UGT2A1: variants seen among roughly 807,000 people sequenced by gnomAD.
The protein encoded by UGT2A1 is UDP-glucuronosyltransferase 2A1.
Under a neutral mutation model 45.4 loss-of-function variants are expected in UGT2A1, and 61 were observed. The observed-to-expected ratio is 1.34, with a 90% confidence interval of 1.09 to 1.66. UGT2A1 has a LOEUF of 1.66. Ranked by LOEUF, UGT2A1 falls within the 40% of genes most tolerant of loss-of-function variation. The probability of loss-of-function intolerance (pLI) is 0.00; values close to 1 mark genes in which losing one functional copy is unlikely to be tolerated. For missense variants in UGT2A1, 649 were observed against 574.3 expected, an observed-to-expected ratio of 1.13 and a Z score of -1.33; for synonymous variants, 229 against 196.2, an observed-to-expected ratio of 1.17 and a Z score of -1.40.
In UGT2A1 at chr4:69,630,943, C is replaced by T. The variant is rs1483043168; in HGVS notation, c.847+4748G>A. On this transcript the variant is annotated intron_variant, in intron 3 of 6. Coordinates refer to ENST00000286604, the MANE Select transcript of UGT2A1 (RefSeq NM_001252275.3). ...TGCTAAAGAATACACGACTAAGTGGCAGAGTTAACAATACTACTTAAATGT... is the reference window on the plus strand; with the variant it reads ...TGCTAAAGAATACACGACTAAGTGGTAGAGTTAACAATACTACTTAAATGT... Among the ~76,000 whole-genome samples, 4 of 152,036 alleles carry T rather than the reference C, an allele frequency of 2.6e-5. 1 individual carries two copies. The highest frequency in any genetic ancestry group is 5.9e-5 in the Non-Finnish European group (4 of 68,002).
chr4:69,645,864 A>G (rs898726694), intron 2 of UGT2A1, among the ~76,000 whole-genome samples: 2 of 151,824 alleles, frequency 1.3e-5, no homozygotes, highest in African/African-American at 2.4e-5. Flanking sequence ...ATACTAAATT[A>G]TCAGAAATAT....
rs1230710317 is a variant in UGT2A1 at position 69,604,443 on chromosome 4, C to T, written c.848-5049G>A. On this transcript the variant is annotated intron_variant, in intron 3 of 6. Coordinates refer to ENST00000286604, the MANE Select transcript of UGT2A1 (RefSeq NM_001252275.3). Reference sequence around the variant, plus strand: ...AAGCACTAAACATAGAAAGGAACAACCAGTACCAGCCACTGCAAAAACATG... The same window carrying T: ...AAGCACTAAACATAGAAAGGAACAATCAGTACCAGCCACTGCAAAAACATG... Among the ~76,000 whole-genome samples, 2 of 136,788 alleles carry T rather than the reference C, an allele frequency of 1.5e-5. 1 individual carries two copies. Among genetic ancestry groups the T allele is most frequent in the African/African-American group, 5.9e-5 (2 of 33,772 alleles). The allele number at this position is 136,788 out of a possible 152,430, so 89.7% of individuals were successfully genotyped here. A position where few individuals can be genotyped will look rare whatever the true frequency, so the allele number is the denominator to read the frequency against.
At chr4:69,622,515 GT>G (rs1720810178) in intron 3 of UGT2A1, among the ~76,000 whole-genome samples, 1 of 151,626 alleles carries the variant, frequency 6.6e-6, no homozygotes, top group Non-Finnish European at 1.5e-5. Context: ...GAAAACAATT[GT>G]TTTTATGTGT....
chr4:69,604,499 G>A (rs1248330244), intron 3 of UGT2A1, among the ~76,000 whole-genome samples: 1 of 136,760 alleles, frequency 7.3e-6, no homozygotes, highest in Non-Finnish European at 1.6e-5. Flanking sequence ...AGGCTAGGAA[G>A]AAACTGCATC....
intron 3 of UGT2A1, among the ~76,000 whole-genome samples, chr4:69,619,588 C>G: frequency 6.6e-6 from 1 of 151,794 alleles, no homozygotes; most frequent in East Asian, 1.9e-4. Context: ...TAATCTTTTT[C>G]AGGTGAATTA....
At chr4:69,639,473 A>T in intron 2 of UGT2A1, 4 of 1,613,080 alleles carry the variant, frequency 2.5e-6, no homozygotes, top group Non-Finnish European at 3.4e-6. Context: ...TCACATTGTG[A>T]TTTCTTTGAA....
intron 6 of UGT2A1, among the ~76,000 whole-genome samples, chr4:69,593,966 T>C (rs1408555672): frequency 8.1e-6 from 1 of 123,948 alleles, no homozygotes; most frequent in Non-Finnish European, 1.7e-5. Flanking sequence ...ATATTTGAAG[T>C]CTTTTTTTTT....
intron 2 of UGT2A1, among the ~76,000 whole-genome samples, chr4:69,643,847 C>A (rs937101269): frequency 2.0e-5 from 3 of 151,502 alleles, no homozygotes. Context: ...TATAGAAGAT[C>A]AATTCAAATT....
intron 3 of UGT2A1, 132 bp from the exon 4 acceptor site, chr4:69,599,526 T>C (rs1719135217): frequency 8.8e-6 from 11 of 1,246,998 alleles, no homozygotes; most frequent in Admixed American, 3.0e-5. Context: ...ATACTTATCA[T>C]GTTTATATAT....
chr4:69,618,301 A>C (rs1720537374), intron 3 of UGT2A1, among the ~76,000 whole-genome samples: 1 of 150,756 alleles, frequency 6.6e-6, no homozygotes, highest in African/African-American at 2.4e-5. Context: ...GTTCTCTTAA[A>C]AATGTTTTTG....
Position 69,594,512 on chromosome 4 carries a change from C to G in UGT2A1, c.1269G>C (p.Leu423Phe), listed in dbSNP as rs1249036235. The G allele has an allele frequency of 1.2e-6, 2 of 1,614,006 alleles. No individual in the cohort carries two copies. The highest frequency in any genetic ancestry group is 1.1e-5 in the South Asian group (1 of 91,084). Residue 423 changes from leucine to phenylalanine, a missense_variant, in exon 6 of 7, where the codon TTG becomes TTC. Coordinates refer to ENST00000286604, the MANE Select transcript of UGT2A1 (RefSeq NM_001252275.3). Reference sequence around the variant, plus strand: ...TAATGACTGTTCTCAAAGCGCTAAGCAAATCCACACTTGTCATTGTGTTTA... The same window carrying G: ...TAATGACTGTTCTCAAAGCGCTAAGGAAATCCACACTTGTCATTGTGTTTA... ...VNLNTMTSVD[L>F]LSALRTVINE...
At chr4:69,621,217 C>T (rs1161581277) in intron 3 of UGT2A1, among the ~76,000 whole-genome samples, 1 of 151,926 alleles carries the variant, frequency 6.6e-6, no homozygotes, top group African/African-American at 2.4e-5. Context: ...AGACAATCTA[C>T]AGAATGAGAG....
At chr4:69,623,713 A>C (rs1720883456) in intron 3 of UGT2A1, among the ~76,000 whole-genome samples, 1 of 151,332 alleles carries the variant, frequency 6.6e-6, no homozygotes, top group Non-Finnish European at 1.5e-5. Flanking sequence ...ATATATTAGG[A>C]TTCATCTCAA....
intron 3 of UGT2A1, among the ~76,000 whole-genome samples, chr4:69,620,680 C>G (rs1286734356): frequency 6.7e-6 from 1 of 149,042 alleles, no homozygotes; most frequent in Admixed American, 6.7e-5. Flanking sequence ...GCCACAAAAG[C>G]CAAGGCAATG....
intron 1 of UGT2A1, among the ~76,000 whole-genome samples, chr4:69,651,955 G>A (rs531558203): frequency 1.6e-3 from 247 of 152,310 alleles, no homozygotes; most frequent in Non-Finnish European, 2.4e-3. Context: ...TCCTAGGATC[G>A]AGGTTAAACG....
intron 3 of UGT2A1, among the ~76,000 whole-genome samples, chr4:69,630,681 A>C (rs1479584407): frequency 6.6e-6 from 1 of 152,086 alleles, no homozygotes; most frequent in Non-Finnish European, 1.5e-5. Flanking sequence ...CAAAATAAAA[A>C]CCATTTATTA....
chr4:69,629,403 T>C (rs1049695726), intron 3 of UGT2A1, among the ~76,000 whole-genome samples: 19 of 152,042 alleles, frequency 1.2e-4, no homozygotes, highest in African/African-American at 4.6e-4. Flanking sequence ...GTTCCAATCT[T>C]TTGGAATACA....
At chr4:69,623,326 C>G (rs1720859000) in intron 3 of UGT2A1, among the ~76,000 whole-genome samples, 1 of 151,634 alleles carries the variant, frequency 6.6e-6, no homozygotes, top group African/African-American at 2.4e-5. Flanking sequence ...TTTTGAGTTC[C>G]CCAAGAAACA....
intron 3 of UGT2A1, among the ~76,000 whole-genome samples, chr4:69,623,197 A>G (rs979520225): frequency 7.2e-5 from 11 of 151,824 alleles, no homozygotes; most frequent in African/African-American, 2.7e-4. Context: ...ATTCATCAAA[A>G]ATGAAAATCG....
Sources: gnomAD v4.1 joint callset for allele counts (sites outside exome capture counted in the v4.1 genomes callset) on GRCh38, gnomAD v4.1.1 for gene constraint, MANE v1.5 for transcripts, NCBI Gene and HGNC (gene_info 2026-07-23, HGNC 2026-07-21) for gene names.